The following MAPRE3 variants were observed in gnomAD, a reference collection of about 807,000 sequenced individuals.
MAPRE3 encodes microtubule associated protein RP/EB family member 3, also known as microtubule-associated protein RP/EB family member 3.
A neutral mutation model predicts 30.5 loss-of-function variants in MAPRE3; 2 were observed. The observed-to-expected ratio is 0.07, with a 90% CI of 0.03 to 0.21. MAPRE3 has a LOEUF of 0.21. MAPRE3 is among the 10% of genes least tolerant of loss of function. The probability of loss-of-function intolerance (pLI) is 1.00; values close to 1 mark genes in which losing one functional copy is unlikely to be tolerated. For synonymous variants in MAPRE3, 110 were observed against 127.7 expected (o/e 0.86, Z 0.93); for missense variants, 204 against 351.8 (o/e 0.58, Z 3.36).
intron 1 of MAPRE3, among the ~76,000 whole-genome samples, chr2:27,006,099 G>A (rs557664589): frequency 5.9e-5 from 9 of 152,186 alleles, no homozygotes; most frequent in South Asian, 2.1e-4. Context: ...GGAGAATGGC[G>A]TGAACCCGGG....
At chr2:26,997,318 A>G (rs947180846) in intron 1 of MAPRE3, among the ~76,000 whole-genome samples, 1 of 152,132 alleles carries the variant, frequency 6.6e-6, no homozygotes, top group African/African-American at 2.4e-5. Context: ...ATGTGGCCCA[A>G]CACAAATTTG....
At chr2:26,992,244 G>A (rs1481068792) in intron 1 of MAPRE3, among the ~76,000 whole-genome samples, 1 of 90,828 alleles carries the variant, frequency 1.1e-5, no homozygotes, top group Non-Finnish European at 2.4e-5. Flanking sequence ...TTTTTTTTTT[G>A]AGATGGAGTT....
chr2:27,001,150 C>T (rs1207037182), intron 1 of MAPRE3, among the ~76,000 whole-genome samples: 2 of 152,130 alleles, frequency 1.3e-5, no homozygotes, highest in African/African-American at 4.8e-5. Context: ...TGATGGGATA[C>T]ATTCCGAGAA....
intron 3 of MAPRE3, 43 bp downstream of exon 3, chr2:27,023,520 C>T (rs1488343734): frequency 6.2e-7 from 1 of 1,611,108 alleles, no homozygotes; most frequent in East Asian, 2.2e-5. Flanking sequence ...GCAGTGTGAC[C>T]CTGGGGAAGA....
At position 27,015,109 on chromosome 2, in the gene MAPRE3, T is replaced by C. The variant is rs983602729; in HGVS notation, c.-7-7103T>C. 9 of 152,252 alleles carry C rather than the reference T, an allele frequency of 5.9e-5. No individual in the cohort carries two copies. The highest frequency in any genetic ancestry group is 2.2e-4 in the African/African-American group (9 of 41,452). 9.4% of individuals were successfully genotyped at this position (152,252 alleles called of 1,614,324 possible). On this transcript the variant is annotated intron_variant, in intron 1 of 6. Coordinates refer to ENST00000233121, the MANE Select transcript of MAPRE3 (RefSeq NM_012326.4). The surrounding 1 kb of genome is among the most constrained non-coding windows in gnomAD (Gnocchi z 4.0). ...GGCAAAGCAGCAGAGAAAAGTTCTG[T>C]AGTCTGTCTCCTTTCTGGACTGGCA...
intron 1 of MAPRE3, among the ~76,000 whole-genome samples, chr2:26,980,479 A>G (rs528984505): frequency 3.5e-4 from 54 of 152,342 alleles, no homozygotes; most frequent in Admixed American, 1.3e-3. Context: ...AGACTTCTCT[A>G]TATTGACATA....
At chr2:27,014,656 T>C (rs1278346662) in intron 1 of MAPRE3, 1 of 152,386 alleles carries the variant, frequency 6.6e-6, no homozygotes, top group African/African-American at 2.4e-5. Context: ...AGGTCCTTGC[T>C]CAGCCATAAG....
chr2:27,026,192 A>T, intron 6 of MAPRE3, 88 bp from the exon 7 acceptor site: 1 of 1,412,606 alleles, frequency 7.1e-7, no homozygotes, highest in South Asian at 1.3e-5. Context: ...TGGACTCCTG[A>T]CCCCTTGCTC....
At chr2:27,004,379 C>T (rs1024760260) in intron 1 of MAPRE3, among the ~76,000 whole-genome samples, 1 of 152,150 alleles carries the variant, frequency 6.6e-6, no homozygotes, top group African/African-American at 2.4e-5. Flanking sequence ...CTTGGGAAAG[C>T]CTAAGTCATT....
intron 1 of MAPRE3, among the ~76,000 whole-genome samples, 151 bp downstream of exon 1, chr2:26,970,953 C>T (rs1329275083): frequency 1.3e-5 from 2 of 151,640 alleles, no homozygotes; most frequent in African/African-American, 2.4e-5. Context: ...CCGGTCAACC[C>T]CCTCCATCCC....
At chr2:27,006,884 A>C (rs1317062196) in intron 1 of MAPRE3, among the ~76,000 whole-genome samples, 1 of 152,216 alleles carries the variant, frequency 6.6e-6, no homozygotes, top group Non-Finnish European at 1.5e-5. Flanking sequence ...AGAAGAAAGC[A>C]ATTTTAGGCT....
rs576865686 is a variant in MAPRE3, at chr2:26,986,238, C to T, written c.-8+15436C>T. ...ACCCTTCTGCTTCCCCTTATAAGGA[C>T]CCTGGTGATTACACTGGGCCCACTC... On this transcript the variant is annotated intron_variant, in intron 1 of 6. Transcript: ENST00000233121. The surrounding 1 kb of genome is among the most constrained non-coding windows in gnomAD (Gnocchi z 4.2). 1.8e-4 allele frequency among the ~76,000 whole-genome samples: 27 copies of T among 152,234 alleles called. 1 individual carries two copies. The highest frequency in any genetic ancestry group is 6.3e-4 in the African/African-American group (26 of 41,542).
chr2:27,021,755 T>C (rs1440958009), intron 1 of MAPRE3, among the ~76,000 whole-genome samples: 1 of 152,232 alleles, frequency 6.6e-6, no homozygotes. Context: ...GCCTTTGTTC[T>C]TGCTAGTCCC....
intron 1 of MAPRE3, among the ~76,000 whole-genome samples, chr2:26,975,895 C>T (rs944665282): frequency 1.3e-5 from 2 of 150,028 alleles, no homozygotes; most frequent in African/African-American, 2.5e-5. Context: ...GGCTGCTTCC[C>T]GGTCAGCCCA....
chr2:27,005,798 C>T (rs978909987), intron 1 of MAPRE3, among the ~76,000 whole-genome samples: 7 of 152,130 alleles, frequency 4.6e-5, no homozygotes, highest in Admixed American at 4.6e-4. Flanking sequence ...TTGGTGGCAA[C>T]CCTACTTGCT....
chr2:26,972,332 CT>C (rs1279877108), intron 1 of MAPRE3, among the ~76,000 whole-genome samples: 2 of 152,224 alleles, frequency 1.3e-5, no homozygotes, highest in Non-Finnish European at 2.9e-5. Flanking sequence ...TCACTCTTTA[CT>C]TTGCTCAATC....
At position 26,985,707 on chromosome 2, in the gene MAPRE3, G is replaced by A. The variant is rs866564532; in HGVS notation, c.-8+14905G>A. On this transcript the variant is annotated intron_variant, in intron 1 of 6. Coordinates refer to ENST00000233121, the MANE Select transcript of MAPRE3 (RefSeq NM_012326.4). This position sits in a 1 kb window ranked among gnomAD's most constrained non-coding sequence, Gnocchi z 4.2. ...CAAAAGAATAGGTATTACCTTATAT[G>A]GCAATAAGTGTTAATTAAGTTAAGG... 3.9e-5 allele frequency among the ~76,000 whole-genome samples: 6 copies of A among 152,286 alleles called. No homozygotes were observed. The highest frequency in any genetic ancestry group is 2.1e-4 in the South Asian group (1 of 4,820).
chr2:27,026,303 C>T lies in MAPRE3; in HGVS notation c.801C>T (p.Asp267=), dbSNP rs758876106. ...ATEEGFAPPE[D]DEIEEHQQED... ...AGGAAGGATTCGCACCCCCTGAGGA[C>T]GATGAGATTGAAGAGCATCAACAAG... is the stretch of plus-strand genomic sequence containing the variant. Residue 267 remains aspartate (D), a synonymous_variant, in exon 7 of 7, where the codon GAC becomes GAT. Transcript: ENST00000233121. 1.9e-5 allele frequency: 30 copies of T among 1,613,840 alleles called. No individual in the cohort carries two copies. Among genetic ancestry groups the T allele is most frequent in the Admixed American group, 5.0e-5 (3 of 59,960 alleles).
At chr2:26,975,455 A>G (rs890050887) in intron 1 of MAPRE3, among the ~76,000 whole-genome samples, 3 of 152,220 alleles carry the variant, frequency 2.0e-5, no homozygotes, top group Non-Finnish European at 4.4e-5. Context: ...CTACTGAGTA[A>G]TTAAAGAACC....
Sources: allele counts gnomAD v4.1 joint callset (sites outside exome capture counted in the v4.1 genomes callset), GRCh38; gene constraint gnomAD v4.1.1; non-coding constraint Gnocchi (gnomAD v3.1); transcripts MANE v1.5; gene names NCBI Gene and HGNC (gene_info 2026-07-23, HGNC 2026-07-21).